ST6GALNAC3: variants seen among roughly 807,000 people sequenced by gnomAD.
ST6GALNAC3 encodes the protein alpha-N-acetylgalactosaminide alpha-2,6-sialyltransferase 3.
In ST6GALNAC3, 25 loss-of-function variants were observed where a neutral mutation model predicts 32.7. That is an observed-to-expected ratio of 0.76 (90% CI 0.56 to 1.07). ST6GALNAC3 has a LOEUF of 1.07. Among genes scored for constraint, ST6GALNAC3 ranks in the 50% least tolerant of loss-of-function variants. The pLI is 0.00. For synonymous variants in ST6GALNAC3, 129 were observed against 133.1 expected, an observed-to-expected ratio of 0.97 and a Z score of 0.21; for missense variants, 355 against 382.4, an observed-to-expected ratio of 0.93 and a Z score of 0.60.
chr1:76,438,704 T>G (rs1200774826), intron 3 of ST6GALNAC3, among the ~76,000 whole-genome samples: 3 of 152,138 alleles, frequency 2.0e-5, no homozygotes, highest in African/African-American at 7.2e-5. Context: ...CCATCTCACC[T>G]CCTCAGTACC....
intron 3 of ST6GALNAC3, among the ~76,000 whole-genome samples, chr1:76,481,225 G>A (rs531072164): frequency 6.6e-6 from 1 of 152,286 alleles, no homozygotes; most frequent in South Asian, 2.1e-4. Flanking sequence ...CCTAATTGGA[G>A]GGAATTAAGG....
chr1:76,119,009 G>A (rs1648677739), intron 1 of ST6GALNAC3, among the ~76,000 whole-genome samples: 1 of 152,154 alleles, frequency 6.6e-6, no homozygotes. Flanking sequence ...TTTTAGTAGA[G>A]ACGGGGTTTC....
At chr1:76,405,991 G>T (rs1653804031) in intron 2 of ST6GALNAC3, among the ~76,000 whole-genome samples, 1 of 151,930 alleles carries the variant, frequency 6.6e-6, no homozygotes, top group South Asian at 2.1e-4. Context: ...CCTTCACAGG[G>T]AATCAATTCC....
intron 1 of ST6GALNAC3, among the ~76,000 whole-genome samples, chr1:76,112,451 G>A (rs1299548613): frequency 6.6e-6 from 1 of 150,494 alleles, no homozygotes; most frequent in Non-Finnish European, 1.5e-5. Flanking sequence ...CGGACGGGGC[G>A]GCTGGCCGGG....
chr1:76,343,386 A>C (rs763933522), intron 2 of ST6GALNAC3, among the ~76,000 whole-genome samples: 30 of 152,314 alleles, frequency 2.0e-4, no homozygotes, highest in Middle Eastern at 3.4e-3. Flanking sequence ...TCAGGAATAT[A>C]AGAGGAAAAG....
intron 1 of ST6GALNAC3, among the ~76,000 whole-genome samples, chr1:76,220,473 A>G (rs1438432532): frequency 6.6e-6 from 1 of 152,226 alleles, no homozygotes; most frequent in Non-Finnish European, 1.5e-5. Context: ...CATTTAACTA[A>G]TATTTGAGGG....
At chr1:76,098,236 G>C (rs772464880) in intron 1 of ST6GALNAC3, among the ~76,000 whole-genome samples, 1 of 152,192 alleles carries the variant, frequency 6.6e-6, no homozygotes, top group Non-Finnish European at 1.5e-5. Flanking sequence ...TTAAATAGTT[G>C]TAGAATAGCA....
At chr1:76,261,971 T>C (rs193153763) in intron 1 of ST6GALNAC3, among the ~76,000 whole-genome samples, 50 of 152,280 alleles carry the variant, frequency 3.3e-4, no homozygotes, top group African/African-American at 1.2e-3. Context: ...AAGGAAATGT[T>C]TTTCACGCGG....
At chr1:76,379,753 G>A (rs977018940) in intron 2 of ST6GALNAC3, among the ~76,000 whole-genome samples, 6 of 152,138 alleles carry the variant, frequency 3.9e-5, no homozygotes, top group East Asian at 1.9e-4. Flanking sequence ...GCCCATCTGC[G>A]AAAATCAATC....
At chr1:76,456,690 A>G (rs889001679) in intron 3 of ST6GALNAC3, among the ~76,000 whole-genome samples, 43 of 152,322 alleles carry the variant, frequency 2.8e-4, no homozygotes, top group African/African-American at 1.0e-3. Context: ...TTAGGTATTG[A>G]TGAGACGTAT....
chr1:76,120,421 T>C (rs891534649), intron 1 of ST6GALNAC3, among the ~76,000 whole-genome samples: 1 of 152,208 alleles, frequency 6.6e-6, no homozygotes, highest in Non-Finnish European at 1.5e-5. Flanking sequence ...GAGAAATGAC[T>C]CCTATTGCCT....
In ST6GALNAC3 at chr1:76,426,856, A is replaced by G. The variant is rs75439989; in HGVS notation, c.623+14439A>G. Among the ~76,000 whole-genome samples, 246 of 152,052 alleles carry G rather than the reference A, an allele frequency of 1.6e-3. 1 individual carries two copies. Among genetic ancestry groups the G allele is most frequent in the African/African-American group, 5.7e-3 (236 of 41,526 alleles). On this transcript the variant is annotated intron_variant, in intron 3 of 4. Coordinates refer to ENST00000328299, the MANE Select transcript of ST6GALNAC3 (RefSeq NM_152996.4). ...ATTTTTCAGCTCCGTTTATAATCCT[A>G]TGAGACCATGGTCATATATGCGGCT... is the stretch of plus-strand genomic sequence containing the variant.
chr1:76,614,943 G>A (rs1161967289), intron 3 of ST6GALNAC3, among the ~76,000 whole-genome samples: 1 of 151,934 alleles, frequency 6.6e-6, no homozygotes, highest in Non-Finnish European at 1.5e-5. Context: ...GTCGTCTGGG[G>A]TATTGTGGCA....
At chr1:76,260,657 C>T (rs1040988100) in intron 1 of ST6GALNAC3, among the ~76,000 whole-genome samples, 1 of 152,100 alleles carries the variant, frequency 6.6e-6, no homozygotes, top group African/African-American at 2.4e-5. Flanking sequence ...AACCACTTTG[C>T]TATACTTCCT....
intron 3 of ST6GALNAC3, among the ~76,000 whole-genome samples, chr1:76,494,445 A>G (rs865868826): frequency 0.011 from 868 of 80,840 alleles, 41 homozygotes; most frequent in South Asian, 0.038. Context: ...ATATATATAT[A>G]TATATATATA....
chr1:76,310,070 A>T (rs1050043350), intron 1 of ST6GALNAC3: 2 of 450,764 alleles, frequency 4.4e-6, no homozygotes, highest in African/African-American at 4.0e-5. Context: ...GCAATATAGC[A>T]ACCAAGAGAA....
intron 1 of ST6GALNAC3, among the ~76,000 whole-genome samples, chr1:76,203,192 A>C (rs377388049): frequency 1.3e-5 from 2 of 152,100 alleles, no homozygotes; most frequent in Non-Finnish European, 2.9e-5. Flanking sequence ...AACTCTTGAG[A>C]CTCAGGCAGC....
chr1:76,557,757 A>G (rs1277806519), intron 3 of ST6GALNAC3, among the ~76,000 whole-genome samples: 1 of 152,120 alleles, frequency 6.6e-6, no homozygotes, highest in Non-Finnish European at 1.5e-5. Flanking sequence ...TTCCACTCCT[A>G]TGAATAGCCT....
chr1:76,444,385 A>G (rs1656825026), intron 3 of ST6GALNAC3, among the ~76,000 whole-genome samples: 1 of 152,224 alleles, frequency 6.6e-6, no homozygotes, highest in South Asian at 2.1e-4. Flanking sequence ...TTCACTCAGT[A>G]CCAATTCTGG....
Sources: allele counts gnomAD v4.1 joint callset (sites outside exome capture counted in the v4.1 genomes callset), GRCh38; gene constraint gnomAD v4.1.1; transcripts MANE v1.5; gene names NCBI Gene and HGNC (gene_info 2026-07-23, HGNC 2026-07-21).